CCR5AS: variants seen among roughly 807,000 people sequenced by gnomAD.
The protein encoded by CCR5AS is CCR5 antisense RNA.
chr3:46,404,327 CTTTTTTTTTTTTT>C (rs10567130), intron 1 of CCR5AS, among the ~76,000 whole-genome samples: 2 of 75,910 alleles, frequency 2.6e-5, no homozygotes, highest in East Asian at 3.9e-4. Flanking sequence ...CTCTCTCTCT[CTTTTTTTTTTTTT>C]TTTTTTTTTT....
chr3:46,392,828 G>A (rs34953706), exon 2 of CCR5AS: 62,581 of 204,344 alleles, frequency 0.31, 11,829 homozygotes, highest in African/African-American at 0.57. Context: ...CGCTTACCCG[G>A]TTTGAAATTG....
Position 46,373,361 on chromosome 3 carries a change from G to T in CCR5AS, n.392-1944C>A, listed in dbSNP as rs574865763. The T allele has an allele frequency of 6.2e-6, 10 of 1,614,124 alleles. No individual in the cohort carries two copies. The East Asian group carries it at 1.8e-4, about 29-fold the overall frequency. ...GGGTGGTGACAAGTGTGATCACTTGGGTGGTGGCTGTGTTTGCGTCTCTCC... is the reference window on the plus strand; with the variant it reads ...GGGTGGTGACAAGTGTGATCACTTGTGTGGTGGCTGTGTTTGCGTCTCTCC... On this transcript the variant is annotated intron_variant and non_coding_transcript_variant, in intron 2 of 3. Coordinates refer to ENST00000451485, the Ensembl canonical transcript of CCR5AS.
At chr3:46,405,226 A>G (rs996586183) in intron 1 of CCR5AS, among the ~76,000 whole-genome samples, 4 of 152,232 alleles carry the variant, frequency 2.6e-5, no homozygotes, top group Admixed American at 6.5e-5. Flanking sequence ...ACTGAAAGTG[A>G]AGGTCATGCT....
At chr3:46,387,781 A>T (rs1197991585) in intron 2 of CCR5AS, among the ~76,000 whole-genome samples, 1 of 152,176 alleles carries the variant, frequency 6.6e-6, no homozygotes, top group Non-Finnish European at 1.5e-5. Context: ...AGTCTGAAAA[A>T]AGAGTCAGCA....
chr3:46,381,522 T>G (rs1271887691), intron 2 of CCR5AS, among the ~76,000 whole-genome samples: 1 of 152,226 alleles, frequency 6.6e-6, no homozygotes, highest in Non-Finnish European at 1.5e-5. Flanking sequence ...TTAATCTTTT[T>G]GGTTTTGAGT....
intron 1 of CCR5AS, among the ~76,000 whole-genome samples, chr3:46,403,425 C>G (rs1344556958): frequency 1.3e-5 from 2 of 152,152 alleles, no homozygotes; most frequent in Non-Finnish European, 2.9e-5. Context: ...CACACATGAA[C>G]ATTAAATATA....
intron 1 of CCR5AS, among the ~76,000 whole-genome samples, chr3:46,396,071 T>C (rs1701959412): frequency 6.6e-6 from 1 of 152,198 alleles, no homozygotes; most frequent in Non-Finnish European, 1.5e-5. Flanking sequence ...CCACCCAGAC[T>C]GAAGACCAGG....
intron 2 of CCR5AS, among the ~76,000 whole-genome samples, chr3:46,376,929 C>A (rs921630570): frequency 6.6e-6 from 1 of 152,164 alleles, no homozygotes; most frequent in African/African-American, 2.4e-5. Context: ...GACAGAACAG[C>A]TTGATCTGAC....
intron 1 of CCR5AS, among the ~76,000 whole-genome samples, chr3:46,406,615 G>A (rs1702051070): frequency 6.6e-6 from 1 of 152,016 alleles, no homozygotes; most frequent in South Asian, 2.1e-4. Context: ...ATCACCACGG[G>A]ATTTTCCTCC....
At chr3:46,387,881 C>G (rs975623114) in intron 2 of CCR5AS, among the ~76,000 whole-genome samples, 1 of 151,604 alleles carries the variant, frequency 6.6e-6, no homozygotes, top group Non-Finnish European at 1.5e-5. Context: ...CGGGTACAGG[C>G]GGGGGTCACA....
chr3:46,384,043 G>C (rs1304499222), intron 2 of CCR5AS, among the ~76,000 whole-genome samples: 1 of 152,238 alleles, frequency 6.6e-6, no homozygotes, highest in Non-Finnish European at 1.5e-5. Flanking sequence ...CAAGAAGTGA[G>C]TTTAAGAGCA....
At chr3:46,385,738 A>G (rs1185085499) in intron 2 of CCR5AS, among the ~76,000 whole-genome samples, 7 of 151,094 alleles carry the variant, frequency 4.6e-5, no homozygotes, top group Non-Finnish European at 7.4e-5. Context: ...TTATTTATTT[A>G]TTATTTATTT....
At chr3:46,399,219 G>A (rs1000235993) in intron 1 of CCR5AS, among the ~76,000 whole-genome samples, 1 of 152,202 alleles carries the variant, frequency 6.6e-6, no homozygotes, top group Non-Finnish European at 1.5e-5. Context: ...GCGTCTTGTT[G>A]TTGTTATTGT....
chr3:46,399,809 T>C (rs1227790320), intron 1 of CCR5AS, among the ~76,000 whole-genome samples: 2 of 152,022 alleles, frequency 1.3e-5, no homozygotes, highest in African/African-American at 4.8e-5. Flanking sequence ...TGGGAGTCAT[T>C]AGAACGGGGG....
chr3:46,397,864 T>G (rs1416451882), intron 1 of CCR5AS, among the ~76,000 whole-genome samples: 1 of 152,218 alleles, frequency 6.6e-6, no homozygotes, highest in Admixed American at 6.5e-5. Flanking sequence ...AAACGGTCAT[T>G]GAAACGCTAC....
chr3:46,372,220 C>T (rs1159458501), intron 2 of CCR5AS, among the ~76,000 whole-genome samples: 2 of 152,048 alleles, frequency 1.3e-5, no homozygotes, highest in Non-Finnish European at 2.9e-5. Context: ...CTAACTCTAG[C>T]GTCAATAAAA....
intron 2 of CCR5AS, among the ~76,000 whole-genome samples, chr3:46,386,448 C>T (rs1294765923): frequency 1.3e-5 from 2 of 152,114 alleles, no homozygotes; most frequent in African/African-American, 4.8e-5. Flanking sequence ...GGAAGTGACT[C>T]AGAGAAGGGG....
intron 1 of CCR5AS, among the ~76,000 whole-genome samples, chr3:46,406,295 A>C (rs1702046261): frequency 6.6e-6 from 1 of 152,162 alleles, no homozygotes; most frequent in South Asian, 2.1e-4. Flanking sequence ...CTAAGCAAAT[A>C]GGTCTGATCC....
chr3:46,373,617 AC>A, intron 2 of CCR5AS: 1 of 1,614,020 alleles, frequency 6.2e-7, no homozygotes, highest in Non-Finnish European at 8.5e-7. Context: ...GCTTATCTTC[AC>A]CATCATGATT....
Sources: allele counts gnomAD v4.1 joint callset (sites outside exome capture counted in the v4.1 genomes callset), GRCh38; gene constraint gnomAD v4.1.1; transcripts MANE v1.5; gene names NCBI Gene and HGNC (gene_info 2026-07-23, HGNC 2026-07-21).